RPTOR: variants seen among roughly 807,000 people sequenced by gnomAD.
RPTOR encodes the protein regulatory associated protein of MTOR complex 1.
RPTOR carries 21 observed loss-of-function variants against 169.9 expected under a neutral mutation model. That is an observed-to-expected ratio of 0.12 (90% CI 0.09 to 0.18). RPTOR has a LOEUF of 0.18. Ranked by LOEUF, RPTOR falls within the 10% of genes least tolerant of loss-of-function variation. RPTOR has a pLI of 1.00. For synonymous variants in RPTOR, 732 were observed against 753.2 expected (o/e 0.97, Z 0.46); for missense variants, 1,133 against 1,855.9 (o/e 0.61, Z 7.16).
chr17:80,622,441 A>G (rs544510891), intron 1 of RPTOR, among the ~76,000 whole-genome samples: 1 of 152,352 alleles, frequency 6.6e-6, no homozygotes, highest in Admixed American at 6.5e-5. Context: ...ATGACTAATT[A>G]AATACAGTGA....
At chr17:80,735,277 C>T (rs544844609) in intron 5 of RPTOR, among the ~76,000 whole-genome samples, 1 of 152,258 alleles carries the variant, frequency 6.6e-6, no homozygotes, top group Non-Finnish European at 1.5e-5. Flanking sequence ...TTCACTCTTC[C>T]AGTGGTAGCC....
intron 1 of RPTOR, among the ~76,000 whole-genome samples, chr17:80,553,063 A>T (rs1373082778): frequency 6.6e-6 from 1 of 152,254 alleles, no homozygotes; most frequent in Admixed American, 6.5e-5. Context: ...TGATACCTGC[A>T]CTGACAGTGC....
At chr17:80,716,449 TGTA>T (rs1735006522) in intron 4 of RPTOR, among the ~76,000 whole-genome samples, 1 of 152,232 alleles carries the variant, frequency 6.6e-6, no homozygotes, top group African/African-American at 2.4e-5. Flanking sequence ...TTGAGTTTGT[TGTA>T]GATTTCCGGA....
chr17:80,681,548 G>C (rs563853375), intron 3 of RPTOR, among the ~76,000 whole-genome samples: 11 of 152,126 alleles, frequency 7.2e-5, no homozygotes, highest in Non-Finnish European at 1.3e-4. Context: ...CTGTGTGTGT[G>C]GTTCAACATT....
At chr17:80,923,261 G>A (rs553168918) in intron 22 of RPTOR, among the ~76,000 whole-genome samples, 6 of 152,324 alleles carry the variant, frequency 3.9e-5, no homozygotes, top group Admixed American at 2.6e-4. Flanking sequence ...GGGTGCTGGA[G>A]TTCAATGAGG....
chr17:80,597,438 G>A (rs2065152161), intron 1 of RPTOR, among the ~76,000 whole-genome samples: 1 of 152,156 alleles, frequency 6.6e-6, no homozygotes, highest in Non-Finnish European at 1.5e-5. Context: ...CCAGGTGAAG[G>A]AATCTCAACC....
At chr17:80,766,795 A>C (rs2066791963) in intron 6 of RPTOR, among the ~76,000 whole-genome samples, 1 of 152,070 alleles carries the variant, frequency 6.6e-6, no homozygotes, top group Non-Finnish European at 1.5e-5. Flanking sequence ...TTTAATTAAA[A>C]AACTCTCAAA....
At chr17:80,557,247 C>A (rs2084421113) in intron 1 of RPTOR, among the ~76,000 whole-genome samples, 1 of 152,084 alleles carries the variant, frequency 6.6e-6, no homozygotes, top group Admixed American at 6.6e-5. Flanking sequence ...CTCTATCCTC[C>A]TCTTATTCAA....
intron 6 of RPTOR, among the ~76,000 whole-genome samples, chr17:80,774,849 C>G (rs963292360): frequency 6.6e-6 from 1 of 152,228 alleles, no homozygotes; most frequent in Non-Finnish European, 1.5e-5. Flanking sequence ...TGTCTGTCCT[C>G]AAGTCATTCA....
At chr17:80,902,871 C>T (rs1330865431) in intron 20 of RPTOR, among the ~76,000 whole-genome samples, 4 of 152,244 alleles carry the variant, frequency 2.6e-5, no homozygotes, top group East Asian at 3.8e-4. Context: ...CCCTGCGTCT[C>T]GGCCAGAGTC....
intron 18 of RPTOR, 106 bp from the exon 19 acceptor site, chr17:80,892,623 C>A: frequency 1.6e-6 from 2 of 1,272,486 alleles, no homozygotes; most frequent in Non-Finnish European, 2.2e-6. Flanking sequence ...TGTTGCAGCA[C>A]AGGTAGCAGC....
chr17:80,820,064 C>T lies in RPTOR; in HGVS notation c.891-2137C>T, dbSNP rs1022230112. On this transcript the variant is annotated intron_variant, in intron 7 of 33. Transcript: ENST00000306801. The surrounding 1 kb of genome is among the most constrained non-coding windows in gnomAD (Gnocchi z 4.1). ...AGATATGTTGAGAGAGGAGAGAACC[C>T]GTGACAGGATGCTGAAGATCAGCAA... Among the ~76,000 whole-genome samples, 5 of 152,070 alleles carry T rather than the reference C, an allele frequency of 3.3e-5. 1 individual carries two copies. Among genetic ancestry groups the T allele is most frequent in the South Asian group, 2.1e-4 (1 of 4,820 alleles).
At chr17:80,626,826 A>G (rs193070074) in intron 2 of RPTOR, among the ~76,000 whole-genome samples, 15 of 149,056 alleles carry the variant, frequency 1.0e-4, no homozygotes. Flanking sequence ...CATTCTAGGA[A>G]TTATTAAGTG....
At chr17:80,914,107 G>A (rs539404188) in intron 21 of RPTOR, among the ~76,000 whole-genome samples, 150 of 152,384 alleles carry the variant, frequency 9.8e-4, no homozygotes, top group Middle Eastern at 3.4e-3. Flanking sequence ...TGTACTTAAC[G>A]AAAGGTCAAA....
At chr17:80,706,848 C>T (rs567680835) in intron 3 of RPTOR, among the ~76,000 whole-genome samples, 51 of 152,310 alleles carry the variant, frequency 3.3e-4, no homozygotes, top group African/African-American at 1.2e-3. Context: ...TCAGCCCACC[C>T]AAGCAGGGAG....
chr17:80,630,161 C>T (rs2065431313), intron 2 of RPTOR, among the ~76,000 whole-genome samples: 1 of 152,228 alleles, frequency 6.6e-6, no homozygotes, highest in African/African-American at 2.4e-5. Flanking sequence ...AGGGTCAGCC[C>T]TGAGTCTGAG....
intron 3 of RPTOR, among the ~76,000 whole-genome samples, chr17:80,666,756 A>T (rs62069691): frequency 0.062 from 9,429 of 152,088 alleles, 385 homozygotes; most frequent in Non-Finnish European, 0.091. Context: ...TCGTGGGGAG[A>T]TGGGTGGCCG....
chr17:80,628,643 C>T (rs921835641), intron 2 of RPTOR, among the ~76,000 whole-genome samples: 9 of 149,276 alleles, frequency 6.0e-5, no homozygotes, highest in Non-Finnish European at 1.0e-4. Flanking sequence ...TCTCCCCACC[C>T]TTTTTTTTTT....
chr17:80,700,439 ATGGTGG>A (rs138115583), intron 3 of RPTOR, among the ~76,000 whole-genome samples: 12,912 of 93,716 alleles, frequency 0.14, 648 homozygotes, highest in African/African-American at 0.2. Context: ...GGTGGTTATG[ATGGTGG>A]TGGTGGTGAT....
Sources: gnomAD v4.1 joint callset for allele counts (sites outside exome capture counted in the v4.1 genomes callset) on GRCh38, gnomAD v4.1.1 for gene constraint, Gnocchi (gnomAD v3.1) non-coding constraint, MANE v1.5 for transcripts, NCBI Gene and HGNC (gene_info 2026-07-23, HGNC 2026-07-21) for gene names.